Variants in GLG1 observed in about 807,000 individuals in gnomAD.
GLG1 encodes golgi glycoprotein 1.
Under a neutral mutation model 160.5 loss-of-function variants are expected in GLG1, and 38 were observed. The ratio of observed to expected loss-of-function variants is 0.24; its 90% CI spans 0.18 to 0.31. The LOEUF (loss-of-function observed/expected upper bound fraction) is 0.31. GLG1 is among the 10% of genes least tolerant of loss of function. The pLI, the probability that GLG1 is intolerant of heterozygous loss-of-function variation, is 1.00. For missense variants in GLG1, 1,373 were observed against 1,505.2 expected (o/e 0.91, Z 1.45); for synonymous variants, 644 against 543.4 (o/e 1.19, Z -2.57).
chr16:74,453,486 CA>C (rs2143112757), intron 25 of GLG1, 152 bp from the exon 26 acceptor site: 1 of 608,308 alleles, frequency 1.6e-6, no homozygotes, highest in South Asian at 2.0e-5. Flanking sequence ...CACAGAGCTA[CA>C]ACTCTTTTTC....
In GLG1 at chr16:74,464,889, C is replaced by T. The variant is rs886906590; in HGVS notation, c.2667+787G>A. 3.3e-5 allele frequency among the ~76,000 whole-genome samples: 5 copies of T among 152,110 alleles called. No homozygotes were observed. In the East Asian group the frequency reaches 9.6e-4, roughly 29 times the overall value. ...ACAGAGTCTTACTCTGTCGCTCAGGCTGGAGTGCAGTGGCATGACCTTGGC... is the reference window on the plus strand; with the variant it reads ...ACAGAGTCTTACTCTGTCGCTCAGGTTGGAGTGCAGTGGCATGACCTTGGC... On this transcript the variant is annotated intron_variant, in intron 19 of 25. Transcript: ENST00000422840.
At chr16:74,571,229 C>G (rs1043440581) in intron 1 of GLG1, among the ~76,000 whole-genome samples, 1 of 152,106 alleles carries the variant, frequency 6.6e-6, no homozygotes, top group African/African-American at 2.4e-5. Context: ...CTGGGTCTGT[C>G]CAACCCACAG....
intron 1 of GLG1, among the ~76,000 whole-genome samples, chr16:74,567,855 A>G (rs1212189655): frequency 6.6e-6 from 1 of 151,912 alleles, no homozygotes; most frequent in East Asian, 1.9e-4. Flanking sequence ...GGCGTGAGCC[A>G]CCGCGCCCGG....
chr16:74,478,593 C>G (rs189459805), intron 11 of GLG1, among the ~76,000 whole-genome samples: 1 of 152,114 alleles, frequency 6.6e-6, no homozygotes, highest in Non-Finnish European at 1.5e-5. Context: ...TGTAAATGTA[C>G]TAAATGTCAC....
chr16:74,513,935 G>C (rs1345585083), intron 2 of GLG1, among the ~76,000 whole-genome samples: 1 of 152,178 alleles, frequency 6.6e-6, no homozygotes, highest in Non-Finnish European at 1.5e-5. Context: ...CCAGTGTAGA[G>C]AAGAGCTTAA....
At chr16:74,495,298 G>C (rs2016146171) in intron 5 of GLG1, among the ~76,000 whole-genome samples, 1 of 152,072 alleles carries the variant, frequency 6.6e-6, no homozygotes, top group South Asian at 2.1e-4. Context: ...ATTTTTAGTA[G>C]AGATGGGGTT....
At chr16:74,564,635 A>C (rs1322029996) in intron 1 of GLG1, among the ~76,000 whole-genome samples, 1 of 152,140 alleles carries the variant, frequency 6.6e-6, no homozygotes, top group Non-Finnish European at 1.5e-5. Flanking sequence ...CTAAAGCCCT[A>C]AGTTTCAGTA....
At chr16:74,525,818 T>G in intron 2 of GLG1, among the ~76,000 whole-genome samples, 1 of 151,234 alleles carries the variant, frequency 6.6e-6, no homozygotes, top group Non-Finnish European at 1.5e-5. Context: ...CATTCAACTT[T>G]CTTGATAGTG....
Position 74,452,186 on chromosome 16 carries a change from G to C in GLG1, c.*981C>G, listed in dbSNP as rs2014338427. The C allele has an allele frequency of 6.3e-7, 1 of 1,587,710 alleles. No individual in the cohort carries two copies. Among genetic ancestry groups the C allele is most frequent in the African/African-American group, 1.3e-5 (1 of 74,440 alleles). ...TCTGGCTCCCACTTCCTGACCCACT[G>C]CTCCCCACACCCATCTTCAAGGACC... is the stretch of plus-strand genomic sequence containing the variant. On this transcript the variant is annotated 3_prime_UTR_variant, in exon 26 of 26. Coordinates refer to ENST00000422840, the MANE Select transcript of GLG1 (RefSeq NM_001145667.2).
At chr16:74,523,428 C>T (rs1244418004) in intron 2 of GLG1, among the ~76,000 whole-genome samples, 2 of 152,126 alleles carry the variant, frequency 1.3e-5, no homozygotes, top group Admixed American at 6.6e-5. Flanking sequence ...TTGGCTGTTA[C>T]AGGTACTCTG....
chr16:74,488,353 G>A (rs369797873), intron 8 of GLG1, among the ~76,000 whole-genome samples: 5 of 152,146 alleles, frequency 3.3e-5, no homozygotes, highest in South Asian at 4.2e-4. Flanking sequence ...AACAGCCTGG[G>A]CAACACGGCG....
chr16:74,510,783 A>G (rs1327665151), intron 2 of GLG1, among the ~76,000 whole-genome samples: 3 of 152,234 alleles, frequency 2.0e-5, no homozygotes, highest in Non-Finnish European at 4.4e-5. Flanking sequence ...AAGACTGTCC[A>G]GTGGCAGCTA....
At chr16:74,499,817 C>G (rs982040631) in intron 4 of GLG1, among the ~76,000 whole-genome samples, 2 of 152,180 alleles carry the variant, frequency 1.3e-5, no homozygotes, top group African/African-American at 4.8e-5. Context: ...TCCTGGCTAA[C>G]ACTGTGAAAC....
chr16:74,468,226 C>CTTTTTTTTTTTTTTTTTT (rs201829157), intron 17 of GLG1: 1 of 83,312 alleles, frequency 1.2e-5, no homozygotes, highest in African/African-American at 5.2e-5. Context: ...CTTGAAATGT[C>CTTTTTTTTTTTTTTTTTT]TTTTTTTTTT....
At chr16:74,534,667 T>C (rs1429341256) in intron 1 of GLG1, among the ~76,000 whole-genome samples, 1 of 152,000 alleles carries the variant, frequency 6.6e-6, no homozygotes, top group East Asian at 1.9e-4. Context: ...TTTCTCCCAA[T>C]TTTTCACTTG....
At chr16:74,556,157 A>G (rs1482933967) in intron 1 of GLG1, among the ~76,000 whole-genome samples, 1 of 152,202 alleles carries the variant, frequency 6.6e-6, no homozygotes, top group Non-Finnish European at 1.5e-5. Flanking sequence ...ACTTTATATT[A>G]CAGTTAACAG....
At chr16:74,521,047 AAG>A (rs1400668988) in intron 2 of GLG1, among the ~76,000 whole-genome samples, 5 of 152,184 alleles carry the variant, frequency 3.3e-5, no homozygotes, top group Non-Finnish European at 7.3e-5. Context: ...TATTTTCCAT[AAG>A]AGAGTAAGAG....
chr16:74,605,306 C>T (rs1490640389), intron 1 of GLG1, among the ~76,000 whole-genome samples: 1 of 150,746 alleles, frequency 6.6e-6, no homozygotes, highest in Non-Finnish European at 1.5e-5. Flanking sequence ...AGGATATATA[C>T]ACTCCTTGAA....
chr16:74,576,814 A>G (rs370162951), intron 1 of GLG1, among the ~76,000 whole-genome samples: 3 of 152,352 alleles, frequency 2.0e-5, no homozygotes, highest in African/African-American at 7.2e-5. Context: ...CTTTGAGTAT[A>G]CTTTCTTTAC....
Sources: gnomAD v4.1 joint callset for allele counts (sites outside exome capture counted in the v4.1 genomes callset) on GRCh38, gnomAD v4.1.1 for gene constraint, MANE v1.5 for transcripts, NCBI Gene and HGNC (gene_info 2026-07-23, HGNC 2026-07-21) for gene names.